Variants in FBLN5 observed in about 807,000 individuals in gnomAD.
The protein encoded by FBLN5 is fibulin-5.
In FBLN5, 24 loss-of-function variants were observed where a neutral mutation model predicts 61.6. The ratio of observed to expected loss-of-function variants is 0.39; its 90% CI spans 0.28 to 0.55. FBLN5 has a LOEUF of 0.55. Ranked by LOEUF, FBLN5 falls within the 20% of genes least tolerant of loss-of-function variation. The pLI is 0.65. For missense variants in FBLN5, 470 were observed against 594.1 expected (o/e 0.79, Z 2.17); for synonymous variants, 213 against 219.8 (o/e 0.97, Z 0.27).
At chr14:91,926,796 G>C (rs1156804269) in intron 4 of FBLN5, among the ~76,000 whole-genome samples, 1 of 151,774 alleles carries the variant, frequency 6.6e-6, no homozygotes, top group Admixed American at 6.6e-5. Context: ...GAGTGGACGG[G>C]GGGCAGTGGA....
At chr14:91,877,737 G>A (rs1159429040) in intron 9 of FBLN5, 55 bp from the exon 10 acceptor site, 8 of 1,405,026 alleles carry the variant, frequency 5.7e-6, no homozygotes, top group Middle Eastern at 1.8e-4. Context: ...GGTGCTGGCT[G>A]TGCCTACTTC....
At position 91,937,255 on chromosome 14, in the gene FBLN5, G is replaced by T. The variant is rs913171013; in HGVS notation, c.125-54C>A. On this transcript the variant is annotated intron_variant, in intron 3 of 10. Coordinates refer to ENST00000342058, the MANE Select transcript of FBLN5 (RefSeq NM_006329.4). Reference sequence around the variant, plus strand: ...GTGGCACCCCAACTGCCTTGTGTCCGGTGCATATTTAAGCAGAACTCGGTA... The same window carrying T: ...GTGGCACCCCAACTGCCTTGTGTCCTGTGCATATTTAAGCAGAACTCGGTA... 5.0e-6 allele frequency: 8 copies of T among 1,610,508 alleles called. No homozygotes were observed. In the East Asian group the frequency reaches 6.7e-5, roughly 13 times the overall value.
Position 91,870,074 on chromosome 14 carries a change from G to A in FBLN5, c.*150C>T. 1.3e-6 allele frequency: 1 copy of A among 777,958 alleles called. No individual in the cohort carries two copies. Among genetic ancestry groups the A allele is most frequent in the South Asian group, 1.5e-5 (1 of 67,566 alleles). The allele number at this position is 777,958 out of a possible 1,614,324, so 48.2% of individuals were successfully genotyped here. A position where few individuals can be genotyped will look rare whatever the true frequency, so the allele number is the denominator to read the frequency against. On this transcript the variant is annotated 3_prime_UTR_variant, in exon 11 of 11. Transcript: ENST00000342058. The stretch of plus-strand genomic sequence containing the variant: ...GTGACAGGTCTGCAATAGTACAGGT[G>A]AGAGTCAGGAAGTCGGGGCTGACTC...
At chr14:91,884,754 G>T (rs532244476) in intron 7 of FBLN5, among the ~76,000 whole-genome samples, 19 of 152,370 alleles carry the variant, frequency 1.2e-4, no homozygotes, top group African/African-American at 3.6e-4. Context: ...ACCCAAGCAG[G>T]GTTAGCTCCA....
At chr14:91,930,427 C>T (rs1470960355) in intron 4 of FBLN5, among the ~76,000 whole-genome samples, 5 of 152,180 alleles carry the variant, frequency 3.3e-5, no homozygotes, top group Non-Finnish European at 5.9e-5. Context: ...GACATCTGAG[C>T]GAACCCAGCT....
chr14:91,886,085 A>G (rs1889712793), intron 7 of FBLN5, among the ~76,000 whole-genome samples: 2 of 152,230 alleles, frequency 1.3e-5, no homozygotes, highest in South Asian at 4.1e-4. Context: ...CACAAGTTCC[A>G]TTCATGACCT....
chr14:91,887,145 C>T (rs201735974), intron 7 of FBLN5, 48 bp downstream of exon 7: 352 of 1,610,014 alleles, frequency 2.2e-4, no homozygotes, highest in Non-Finnish European at 2.8e-4. Flanking sequence ...TCAACCCCTG[C>T]CCAGGCCCCA....
chr14:91,926,385 A>G (rs2140031635), intron 4 of FBLN5, among the ~76,000 whole-genome samples: 1 of 152,292 alleles, frequency 6.6e-6, no homozygotes, highest in East Asian at 1.9e-4. Flanking sequence ...CCAGCCTGCC[A>G]GGCCTGGGCA....
chr14:91,897,962 A>G (rs1890293457), intron 4 of FBLN5, among the ~76,000 whole-genome samples: 1 of 152,112 alleles, frequency 6.6e-6, no homozygotes, highest in Non-Finnish European at 1.5e-5. Context: ...AGGTGGGAGG[A>G]TCACCTGAGC....
intron 4 of FBLN5, among the ~76,000 whole-genome samples, chr14:91,919,596 T>G (rs138918527): frequency 6.6e-6 from 1 of 151,998 alleles, no homozygotes; most frequent in Non-Finnish European, 1.5e-5. Context: ...TTCAAAGAGG[T>G]AATTCAGTTA....
intron 4 of FBLN5, among the ~76,000 whole-genome samples, chr14:91,913,220 C>T (rs1322463985): frequency 1.3e-5 from 2 of 152,136 alleles, no homozygotes; most frequent in African/African-American, 4.8e-5. Flanking sequence ...ACCCAACCAG[C>T]CCCTCCACTA....
At chr14:91,930,057 T>C (rs1241023673) in intron 4 of FBLN5, among the ~76,000 whole-genome samples, 4 of 152,166 alleles carry the variant, frequency 2.6e-5, no homozygotes, top group Non-Finnish European at 5.9e-5. Context: ...TAAATCTAAT[T>C]CCCAGAAGAA....
intron 5 of FBLN5, 85 bp from the exon 6 acceptor site, chr14:91,891,422 C>T: frequency 1.1e-6 from 1 of 887,798 alleles, no homozygotes; most frequent in Middle Eastern, 2.2e-4. Flanking sequence ...CCTTGCTCTT[C>T]CCAAACAGGA....
At chr14:91,879,187 G>C (rs1385596185) in intron 9 of FBLN5, among the ~76,000 whole-genome samples, 1 of 152,202 alleles carries the variant, frequency 6.6e-6, no homozygotes, top group East Asian at 1.9e-4. Context: ...AAGAAGTTTG[G>C]AGGAGGGAGT....
rs1414415519 is a variant in FBLN5, at chr14:91,943,515, AC to A, written c.18-555del. On this transcript the variant is annotated intron_variant, in intron 1 of 10. Transcript: ENST00000342058. This position sits in a 1 kb window ranked among gnomAD's most constrained non-coding sequence, Gnocchi z 4.0. ...CAGAGCGAGACCTTGTCCTCCCCCCACCCCCCAAAAAAGCTAAAACCTCCCA... is the reference window on the plus strand; with the variant it reads ...CAGAGCGAGACCTTGTCCTCCCCCCACCCCCAAAAAAGCTAAAACCTCCCA... Among the ~76,000 whole-genome samples, 1 of 147,452 alleles carries A rather than the reference AC, an allele frequency of 6.8e-6. No individual in the cohort carries two copies.
In FBLN5 at chr14:91,943,318, G is replaced by C. The variant is rs889637749; in HGVS notation, c.18-357C>G. ...GAACCCAGGAGTTTGAGACAAGCCTGGGCAACATGGTGAAACCCCATTTCT... is the reference window on the plus strand; with the variant it reads ...GAACCCAGGAGTTTGAGACAAGCCTCGGCAACATGGTGAAACCCCATTTCT... On this transcript the variant is annotated intron_variant, in intron 1 of 10. Coordinates refer to ENST00000342058, the MANE Select transcript of FBLN5 (RefSeq NM_006329.4). This position sits in a 1 kb window ranked among gnomAD's most constrained non-coding sequence, Gnocchi z 4.0. Among the ~76,000 whole-genome samples the C allele has an allele frequency of 4.6e-5, 7 of 151,988 alleles. No homozygotes were observed. The highest frequency in any genetic ancestry group is 1.5e-4 in the African/African-American group (6 of 41,366).
At chr14:91,923,102 C>T (rs1258161291) in intron 4 of FBLN5, among the ~76,000 whole-genome samples, 1 of 152,166 alleles carries the variant, frequency 6.6e-6, no homozygotes, top group East Asian at 1.9e-4. Flanking sequence ...TCTTTGCATC[C>T]TGAGTGGTCA....
intron 10 of FBLN5, among the ~76,000 whole-genome samples, chr14:91,875,491 C>T (rs1234459371): frequency 2.0e-5 from 3 of 152,198 alleles, no homozygotes; most frequent in African/African-American, 7.2e-5. Flanking sequence ...GGCCCTACTG[C>T]CCATATCAGG....
chr14:91,889,307 C>A (rs1889877420), intron 6 of FBLN5, among the ~76,000 whole-genome samples: 1 of 152,222 alleles, frequency 6.6e-6, no homozygotes, highest in Non-Finnish European at 1.5e-5. Flanking sequence ...GGTGAATGAA[C>A]TCATTCCACC....
Sources: gnomAD v4.1 joint callset for allele counts (sites outside exome capture counted in the v4.1 genomes callset) on GRCh38, gnomAD v4.1.1 for gene constraint, Gnocchi (gnomAD v3.1) non-coding constraint, MANE v1.5 for transcripts, NCBI Gene and HGNC (gene_info 2026-07-23, HGNC 2026-07-21) for gene names.